ELAVL2: variants seen among roughly 807,000 people sequenced by gnomAD.
ELAVL2 encodes ELAV like RNA binding protein 2, also known as ELAV-like protein 2.
Under a neutral mutation model 34.6 loss-of-function variants are expected in ELAVL2, and 4 were observed. That is an observed-to-expected ratio of 0.12 (90% confidence interval 0.06 to 0.26). The LOEUF is 0.26. Among genes scored for constraint, ELAVL2 ranks in the 10% least tolerant of loss-of-function variants. The pLI is 1.00. For missense variants in ELAVL2, 432 were observed against 442.8 expected (o/e 0.98, Z 0.22); for synonymous variants, 193 against 154.8 (o/e 1.25, Z -1.83).
chr9:23,816,513 T>C (rs2063743553), intron 1 of ELAVL2, among the ~76,000 whole-genome samples: 1 of 152,116 alleles, frequency 6.6e-6, no homozygotes, highest in Non-Finnish European at 1.5e-5. Flanking sequence ...AATATAAATT[T>C]CCCTTTCATG....
chr9:23,776,390 A>C (rs1201781243), intron 1 of ELAVL2, among the ~76,000 whole-genome samples: 1 of 152,172 alleles, frequency 6.6e-6, no homozygotes, highest in African/African-American at 2.4e-5. Context: ...AAAATAAGCC[A>C]ATCTCATCAC....
At chr9:23,844,253 C>A in the ELAVL2 span, among the ~76,000 whole-genome samples, 1 of 152,016 alleles carries the variant, frequency 6.6e-6, no homozygotes, top group African/African-American at 2.4e-5. Context: ...CTATCTCTTA[C>A]ACAGAGTATG....
At chr9:23,737,945 T>C (rs1039945427) in intron 2 of ELAVL2, among the ~76,000 whole-genome samples, 2 of 152,214 alleles carry the variant, frequency 1.3e-5, no homozygotes, top group Admixed American at 1.3e-4. Flanking sequence ...TAATTTGATT[T>C]GCAAAAACAA....
chr9:23,745,462 T>A (rs1165125538), intron 2 of ELAVL2, among the ~76,000 whole-genome samples: 1 of 152,152 alleles, frequency 6.6e-6, no homozygotes, highest in Non-Finnish European at 1.5e-5. Flanking sequence ...AACATCTTAA[T>A]AGGTTGCAAA....
chr9:23,723,749 C>T (rs776667306), intron 3 of ELAVL2, among the ~76,000 whole-genome samples: 4 of 152,134 alleles, frequency 2.6e-5, no homozygotes, highest in African/African-American at 4.8e-5. Context: ...CCTTATTATT[C>T]GGAAACCAAT....
chr9:23,819,613 G>T (rs1456316786), intron 1 of ELAVL2, among the ~76,000 whole-genome samples: 1 of 151,866 alleles, frequency 6.6e-6, no homozygotes, highest in African/African-American at 2.4e-5. Context: ...GAAGAGGGAG[G>T]GGCTTAACAC....
At chr9:23,799,464 C>G (rs2061336535) in intron 1 of ELAVL2, among the ~76,000 whole-genome samples, 1 of 152,214 alleles carries the variant, frequency 6.6e-6, no homozygotes, top group Non-Finnish European at 1.5e-5. Context: ...AGATTTTGTA[C>G]TCTTACTCCA....
chr9:23,746,172 G>GCATA (rs766994948), intron 2 of ELAVL2, among the ~76,000 whole-genome samples: 4 of 152,114 alleles, frequency 2.6e-5, no homozygotes, highest in African/African-American at 4.8e-5. Context: ...TACAAAATAT[G>GCATA]CATACATACA....
chr9:23,804,923 C>G (rs2062024811), intron 1 of ELAVL2, among the ~76,000 whole-genome samples: 1 of 152,150 alleles, frequency 6.6e-6, no homozygotes, highest in East Asian at 1.9e-4. Flanking sequence ...CTTTCCAGCT[C>G]TAACATTCTC....
intron 1 of ELAVL2, among the ~76,000 whole-genome samples, chr9:23,820,349 T>C (rs1203580171): frequency 6.6e-6 from 1 of 152,180 alleles, no homozygotes; most frequent in Non-Finnish European, 1.5e-5. Flanking sequence ...AAAAGCGCTT[T>C]TGTCCTTGCC....
chr9:23,796,378 C>T (rs979269945), intron 1 of ELAVL2, among the ~76,000 whole-genome samples: 1 of 152,232 alleles, frequency 6.6e-6, no homozygotes, highest in Non-Finnish European at 1.5e-5. Context: ...AGCGATTTGA[C>T]CCATACTCTG....
intron 2 of ELAVL2, among the ~76,000 whole-genome samples, chr9:23,759,111 C>T (rs75621904): frequency 0.016 from 2,388 of 152,046 alleles, 30 homozygotes; most frequent in Admixed American, 0.023. Flanking sequence ...AAGGGATGCA[C>T]GCATATCCAT....
At chr9:23,711,679 A>G (rs16907628) in intron 3 of ELAVL2, among the ~76,000 whole-genome samples, 7,397 of 152,174 alleles carry the variant, frequency 0.049, 596 homozygotes, top group African/African-American at 0.17. Context: ...TCTTACCTGC[A>G]CCCACACTGC....
intron 1 of ELAVL2, among the ~76,000 whole-genome samples, chr9:23,785,176 G>A (rs1043666687): frequency 1.3e-5 from 2 of 152,108 alleles, no homozygotes; most frequent in African/African-American, 4.8e-5. Context: ...CATATATCAA[G>A]GAACAACTGT....
intron 1 of ELAVL2, among the ~76,000 whole-genome samples, chr9:23,775,793 T>C (rs7037760): frequency 0.07 from 10,696 of 152,148 alleles, 623 homozygotes; most frequent in East Asian, 0.19. Flanking sequence ...TTTTCCAGTG[T>C]CACCCAACCT....
intron 3 of ELAVL2, among the ~76,000 whole-genome samples, chr9:23,708,575 A>G (rs974366234): frequency 7.9e-5 from 12 of 152,330 alleles, no homozygotes; most frequent in Admixed American, 5.2e-4. Flanking sequence ...CTGTTTCTTA[A>G]AGGCATACAC....
chr9:23,748,859 T>G (rs2051179393), intron 2 of ELAVL2, among the ~76,000 whole-genome samples: 1 of 152,112 alleles, frequency 6.6e-6, no homozygotes, highest in Non-Finnish European at 1.5e-5. Flanking sequence ...ATTATCATAA[T>G]TTACTTTCAA....
Position 23,690,598 on chromosome 9 carries a change from T to C in ELAVL2, c.*1959A>G, listed in dbSNP as rs2032856574. 6.6e-6 allele frequency: 1 copy of C among 152,662 alleles called. No individual in the cohort carries two copies. Among genetic ancestry groups the C allele is most frequent in the African/African-American group, 2.4e-5 (1 of 41,552 alleles). The allele number at this position is 152,662 out of a possible 1,614,324, so 9.5% of individuals were successfully genotyped here. A position where few individuals can be genotyped will look rare whatever the true frequency, so the allele number is the denominator to read the frequency against. On this transcript the variant is annotated 3_prime_UTR_variant, in exon 7 of 7. Transcript: ENST00000397312. ...ACTTTAGCACGCGCCTCACAGTATA[T>C]GTACTGTACTATACTGAAAAATTTT...
chr9:23,786,781 CAAAAAAA>C (rs57292061), intron 1 of ELAVL2, among the ~76,000 whole-genome samples: 130 of 108,132 alleles, frequency 1.2e-3, no homozygotes, highest in Middle Eastern at 9.9e-3. Flanking sequence ...ATTTTAGTGG[CAAAAAAA>C]AAAAAAAAAA....
Sources: allele counts gnomAD v4.1 joint callset (sites outside exome capture counted in the v4.1 genomes callset), GRCh38; gene constraint gnomAD v4.1.1; transcripts MANE v1.5; gene names NCBI Gene and HGNC (gene_info 2026-07-23, HGNC 2026-07-21).